RANBP2: variants seen among roughly 807,000 people sequenced by gnomAD.
RANBP2 encodes RAN binding protein 2.
A neutral mutation model predicts 303.6 loss-of-function variants in RANBP2; 57 were observed. The observed-to-expected ratio is 0.19, with a 90% CI of 0.15 to 0.23. The LOEUF is 0.23. Among genes scored for constraint, RANBP2 ranks in the 10% least tolerant of loss-of-function variants. The pLI, the probability that RANBP2 is intolerant of heterozygous loss-of-function variation, is 1.00. For missense variants in RANBP2, 3,138 were observed against 3,780.8 expected (o/e 0.83, Z 4.46); for synonymous variants, 1,167 against 1,301.5 (o/e 0.90, Z 2.23).
At chr2:108,788,723 G>GA (rs751655054), downstream of RANBP2, 3,689 of 1,269,700 alleles carry the variant, frequency 2.9e-3, 2 homozygotes, top group Non-Finnish European at 3.2e-3. Flanking sequence ...CCGTCTCAAA[G>GA]AAAAAAAAAG....
the RANBP2 span, among the ~76,000 whole-genome samples, chr2:108,860,755 A>C: frequency 6.6e-6 from 1 of 151,716 alleles, no homozygotes; most frequent in Non-Finnish European, 1.5e-5. Context: ...ATATTGGCCT[A>C]TAGTTTTCTA....
the RANBP2 span, among the ~76,000 whole-genome samples, chr2:109,455,743 G>A: frequency 2.0e-5 from 3 of 152,184 alleles, no homozygotes; most frequent in Non-Finnish European, 4.4e-5. Flanking sequence ...TCCCAGTTCT[G>A]TCGACAGGCA....
chr2:109,330,706 C>T, the RANBP2 span, among the ~76,000 whole-genome samples: 158 of 152,034 alleles, frequency 1.0e-3, 1 homozygote, highest in Non-Finnish European at 1.0e-3. Flanking sequence ...GGATACATGA[C>T]GGATGGATGA....
At chr2:109,485,238 TG>T in the RANBP2 span, among the ~76,000 whole-genome samples, 28,271 of 152,198 alleles carry the variant, frequency 0.19, 3,315 homozygotes, top group Admixed American at 0.29. Flanking sequence ...TTGAAAGAAG[TG>T]GTGGGACAGC....
At chr2:108,886,034 A>G in the RANBP2 span, among the ~76,000 whole-genome samples, 9 of 152,148 alleles carry the variant, frequency 5.9e-5, no homozygotes, top group Non-Finnish European at 1.3e-4. Context: ...GTTTGATTCC[A>G]TATCTTTGCT....
At chr2:109,559,555 T>C in the RANBP2 span, among the ~76,000 whole-genome samples, 2 of 152,228 alleles carry the variant, frequency 1.3e-5, no homozygotes, top group African/African-American at 4.8e-5. Flanking sequence ...CAAATGGATG[T>C]GATGGGCAAT....
chr2:108,782,839 G>A lies in RANBP2; in HGVS notation c.9346G>A (p.Val3116Ile), dbSNP rs150721983. ...FGFKNSIFHRVIPDFVCQGGD... is the reference protein window; with the variant it reads ...FGFKNSIFHRIIPDFVCQGGD... ...TTTCAAGAATTCCATTTTTCACAGA[G>A]TAATTCCAGATTTTGTTTGCCAAGT... The change falls in exon 28 of 29, where the codon GTA becomes ATA. Residue 3116 changes from valine (V) to isoleucine (I), a missense_variant. Physicochemically the swap from Val to Ile is conservative, Grantham distance 29 (BLOSUM62 3). This residue lies in a region of RANBP2 where 204 missense variants were observed against 228.4 expected (regional missense o/e 0.89). Coordinates refer to ENST00000283195, the MANE Select transcript of RANBP2 (RefSeq NM_006267.5). 6.8e-5 allele frequency: 110 copies of A among 1,613,786 alleles called. No individual in the cohort carries two copies. The African/African-American group carries it at 1.4e-3, about 20-fold the overall frequency.
the RANBP2 span, among the ~76,000 whole-genome samples, chr2:109,088,345 C>T: frequency 1.1e-3 from 157 of 142,098 alleles, no homozygotes; most frequent in Non-Finnish European, 1.8e-3. Flanking sequence ...CGCAGTGAGC[C>T]GAGATTGATC....
At chr2:109,667,792 T>C in the RANBP2 span, 1 of 183,580 alleles carries the variant, frequency 5.4e-6, no homozygotes, top group Middle Eastern at 1.7e-3. Context: ...CTTGCACTGC[T>C]GGATGCTCTG....
At chr2:108,970,936 C>T in the RANBP2 span, among the ~76,000 whole-genome samples, 39 of 152,274 alleles carry the variant, frequency 2.6e-4, no homozygotes, top group Middle Eastern at 3.4e-3. Context: ...AAATAACTAC[C>T]GTTCAGCAAA....
the RANBP2 span, among the ~76,000 whole-genome samples, chr2:109,028,275 GAAAT>G: frequency 3.3e-5 from 5 of 152,130 alleles, no homozygotes; most frequent in East Asian, 1.9e-4. Context: ...TGTCTCAAAA[GAAAT>G]AAATAAAATA....
chr2:109,704,050 A>AAATG, the RANBP2 span, among the ~76,000 whole-genome samples: 1 of 152,150 alleles, frequency 6.6e-6, no homozygotes, highest in African/African-American at 2.4e-5. Flanking sequence ...GGGTCAAATT[A>AAATG]AATGACCTCT....
the RANBP2 span, among the ~76,000 whole-genome samples, chr2:109,512,204 T>C: frequency 6.6e-6 from 1 of 152,224 alleles, no homozygotes; most frequent in South Asian, 2.1e-4. Flanking sequence ...GCCCTCCTCC[T>C]GCTGGGCCCT....
At chr2:109,251,348 C>T in the RANBP2 span, 31 of 551,062 alleles carry the variant, frequency 5.6e-5, no homozygotes, top group East Asian at 7.4e-4. Context: ...GCAAGACACC[C>T]GGCCTGCCGC....
Position 108,775,758 on chromosome 2 carries a change from C to CACAACTGACAGTGTATAT in RANBP2, c.8323_8340dup (p.Thr2775_Thr2780dup), listed in dbSNP as rs1558936292. ...AATCTCAGACAGAAGAAATAACTAGCACAACTGACAGTGTATATACAGGTG... is the reference window on the plus strand; with the variant it reads ...AATCTCAGACAGAAGAAATAACTAGCACAACTGACAGTGTATATACAACTGACAGTGTATATACAGGTG... On this transcript the variant is annotated inframe_insertion, in exon 24 of 29. Coordinates refer to ENST00000283195, the MANE Select transcript of RANBP2 (RefSeq NM_006267.5). 1 of 1,613,754 alleles carries CACAACTGACAGTGTATAT rather than the reference C, an allele frequency of 6.2e-7. No individual in the cohort carries two copies. The highest frequency in any genetic ancestry group is 1.1e-5 in the South Asian group (1 of 91,086).
the RANBP2 span, among the ~76,000 whole-genome samples, chr2:109,134,531 T>G: frequency 1.3e-5 from 2 of 152,214 alleles, no homozygotes; most frequent in African/African-American, 4.8e-5. Context: ...GAATGAAGCC[T>G]CTGCTGAGGG....
the RANBP2 span, among the ~76,000 whole-genome samples, chr2:108,980,063 G>A: frequency 2.4e-5 from 3 of 126,064 alleles, no homozygotes; most frequent in Non-Finnish European, 4.8e-5. Context: ...ACACTTAACA[G>A]ATCGCCCATC....
At chr2:109,631,002 G>T in the RANBP2 span, among the ~76,000 whole-genome samples, 1 of 152,158 alleles carries the variant, frequency 6.6e-6, no homozygotes, top group Admixed American at 6.5e-5. Flanking sequence ...GGAGGCGGAG[G>T]TTGCAGTGAA....
At chr2:109,094,779 G>A in the RANBP2 span, among the ~76,000 whole-genome samples, 4 of 152,102 alleles carry the variant, frequency 2.6e-5, no homozygotes, top group African/African-American at 4.8e-5. Context: ...GCGGTGAGCC[G>A]AGATCATGTC....
Sources: gnomAD v4.1 joint callset for allele counts (sites outside exome capture counted in the v4.1 genomes callset) on GRCh38, gnomAD v4.1.1 for gene constraint, gnomAD v4.1.1 regional missense constraint, MANE v1.5 for transcripts, NCBI Gene and HGNC (gene_info 2026-07-23, HGNC 2026-07-21) for gene names.